Variants in MOB4 observed in about 807,000 individuals in gnomAD.
The protein encoded by MOB4 is MOB-like protein phocein.
Under a neutral mutation model 32.2 loss-of-function variants are expected in MOB4, and 4 were observed. The observed-to-expected ratio is 0.12, with a 90% CI of 0.06 to 0.28. The LOEUF (loss-of-function observed/expected upper bound fraction) is 0.28, where lower values mean the gene tolerates loss of function less well. Ranked by LOEUF, MOB4 falls within the 10% of genes least tolerant of loss-of-function variation. The probability of loss-of-function intolerance (pLI) is 1.00; values close to 1 mark genes in which losing one functional copy is unlikely to be tolerated. For missense variants in MOB4, 158 were observed against 271.2 expected, an observed-to-expected ratio of 0.58 and a Z score of 2.93; for synonymous variants, 88 against 88.1, an observed-to-expected ratio of 1.00 and a Z score of 0.01.
rs539588801 is a variant in MOB4 at position 197,533,435 on chromosome 2, GTGTT to G, written c.124-2092_124-2089del. Among the ~76,000 whole-genome samples the G allele has an allele frequency of 1.7e-3, 254 of 152,134 alleles. 4 individuals carry two copies. The highest frequency in any genetic ancestry group is 0.014 in the Admixed American group (216 of 15,274). On this transcript the variant is annotated intron_variant, in intron 2 of 7. Transcript: ENST00000323303. ...ATAGTAATTAAAGAGTCATTAAAAAGTGTTTGAGGCTGGGTACGGTGGCTCATGC... is the reference window on the plus strand; with the variant it reads ...ATAGTAATTAAAGAGTCATTAAAAAGTGAGGCTGGGTACGGTGGCTCATGC...
At chr2:197,521,329 A>G (rs530093397) in intron 1 of MOB4, among the ~76,000 whole-genome samples, 1 of 152,344 alleles carries the variant, frequency 6.6e-6, no homozygotes, top group Admixed American at 6.5e-5. Flanking sequence ...GTGTACAAAT[A>G]GGGTGTGGGT....
At chr2:197,535,704 G>T in intron 3 of MOB4, 74 bp downstream of exon 3, 2 of 1,515,672 alleles carry the variant, frequency 1.3e-6, no homozygotes, top group South Asian at 1.3e-5. Context: ...ATTATGAATT[G>T]TAAAATTTAC....
intron 2 of MOB4, among the ~76,000 whole-genome samples, chr2:197,528,536 T>C: frequency 6.6e-6 from 1 of 152,150 alleles, no homozygotes; most frequent in South Asian, 2.1e-4. Flanking sequence ...GAATGGTCTA[T>C]TATATTTATA....
chr2:197,544,580 C>A (rs1303037626), intron 5 of MOB4, among the ~76,000 whole-genome samples: 2 of 152,020 alleles, frequency 1.3e-5, no homozygotes, highest in Non-Finnish European at 2.9e-5. Flanking sequence ...GGTGAAACCC[C>A]ATCTCTGCTA....
chr2:197,544,032 G>T (rs184233349), intron 5 of MOB4, among the ~76,000 whole-genome samples: 9 of 150,866 alleles, frequency 6.0e-5, no homozygotes, highest in Admixed American at 5.3e-4. Context: ...GAGCCACTGC[G>T]CCCAGCCGAG....
At chr2:197,529,358 A>G (rs57205134) in intron 2 of MOB4, among the ~76,000 whole-genome samples, 1 of 148,448 alleles carries the variant, frequency 6.7e-6, no homozygotes. Flanking sequence ...TTATTTATTT[A>G]TTTATTTTTT....
chr2:197,524,538 A>C (rs1314312000), intron 2 of MOB4, among the ~76,000 whole-genome samples: 2 of 151,852 alleles, frequency 1.3e-5, no homozygotes, highest in African/African-American at 2.4e-5. Flanking sequence ...CTCAAAAAAA[A>C]AAAAAAAAAC....
At chr2:197,538,312 G>T (rs371390809) in intron 3 of MOB4, among the ~76,000 whole-genome samples, 1 of 150,804 alleles carries the variant, frequency 6.6e-6, no homozygotes, top group Admixed American at 6.6e-5. Context: ...TTTTGGTCTG[G>T]GTTGTATATT....
intron 2 of MOB4, among the ~76,000 whole-genome samples, 166 bp from the exon 3 acceptor site, chr2:197,535,364 C>T (rs2086780221): frequency 6.6e-6 from 1 of 152,046 alleles, no homozygotes; most frequent in African/African-American, 2.4e-5. Context: ...GGGTAACCTA[C>T]TTTTTTTCTT....
rs1407062739 is a variant in MOB4 at position 197,551,267 on chromosome 2, C to G, written c.*621C>G. The G allele has an allele frequency of 6.6e-6, 1 of 152,554 alleles. No homozygotes were observed. Among genetic ancestry groups the G allele is most frequent in the Non-Finnish European group, 1.5e-5 (1 of 68,020 alleles). The allele number at this position is 152,554 out of a possible 1,614,324, so 9.5% of individuals were successfully genotyped here. ...ACATACTTGGAAAGGATTTACCGTT[C>G]TGCAACAACGGACTGGTACATACAG... On this transcript the variant is annotated 3_prime_UTR_variant, in exon 8 of 8. Coordinates refer to ENST00000323303, the MANE Select transcript of MOB4 (RefSeq NM_015387.5).
chr2:197,538,779 G>A (rs546594558), intron 3 of MOB4, among the ~76,000 whole-genome samples: 1 of 152,326 alleles, frequency 6.6e-6, no homozygotes, highest in South Asian at 2.1e-4. Context: ...ACCACAACCA[G>A]TCTTTATTAC....
chr2:197,546,340 C>T (rs1206069482), intron 5 of MOB4, among the ~76,000 whole-genome samples: 2 of 152,128 alleles, frequency 1.3e-5, no homozygotes, highest in African/African-American at 4.8e-5. Flanking sequence ...GAATTATAGG[C>T]GTGAGCCACT....
chr2:197,541,646 G>A lies in MOB4; in HGVS notation c.354+1209G>A, dbSNP rs529745120. 6.0e-4 allele frequency among the ~76,000 whole-genome samples: 91 copies of A among 152,326 alleles called. 1 individual carries two copies. Among genetic ancestry groups the A allele is most frequent in the African/African-American group, 1.9e-3 (77 of 41,582 alleles). ...TTAAGATTGTATCTGTCGGCCGGGCGCGGTGGCTCACGCCTGTAATCCCAG... is the reference window on the plus strand; with the variant it reads ...TTAAGATTGTATCTGTCGGCCGGGCACGGTGGCTCACGCCTGTAATCCCAG... On this transcript the variant is annotated intron_variant, in intron 5 of 7. Transcript: ENST00000323303.
chr2:197,517,166 T>C (rs575147267), intron 1 of MOB4, among the ~76,000 whole-genome samples: 1 of 152,348 alleles, frequency 6.6e-6, no homozygotes, highest in East Asian at 1.9e-4. Context: ...CCCAGATTCA[T>C]GTTACAGATA....
At chr2:197,533,552 C>T (rs1478411813) in intron 2 of MOB4, among the ~76,000 whole-genome samples, 2 of 151,974 alleles carry the variant, frequency 1.3e-5, no homozygotes, top group Non-Finnish European at 2.9e-5. Context: ...TGGCGAAACC[C>T]TGTCTCTACA....
chr2:197,515,794 T>C (rs1292559316), upstream of MOB4: 4 of 487,114 alleles, frequency 8.2e-6, no homozygotes, highest in African/African-American at 2.1e-5. Context: ...CAGCGGTCGC[T>C]GCGATCACGA....
chr2:197,534,292 G>T (rs1237062392), intron 2 of MOB4, among the ~76,000 whole-genome samples: 2 of 152,144 alleles, frequency 1.3e-5, no homozygotes, highest in Non-Finnish European at 2.9e-5. Context: ...AACGTATTTA[G>T]ACTTCAGAAT....
chr2:197,522,754 C>T (rs918935045), intron 1 of MOB4, among the ~76,000 whole-genome samples: 29 of 151,986 alleles, frequency 1.9e-4, no homozygotes, highest in African/African-American at 4.8e-4. Context: ...TGGTGGCTCA[C>T]GCCTGTAATC....
chr2:197,517,233 G>A (rs150274796), intron 1 of MOB4, among the ~76,000 whole-genome samples: 2 of 152,320 alleles, frequency 1.3e-5, no homozygotes, highest in African/African-American at 4.8e-5. Flanking sequence ...ATAGTCTCCT[G>A]ATTCTTAATT....
Sources: allele counts gnomAD v4.1 joint callset (sites outside exome capture counted in the v4.1 genomes callset), GRCh38; gene constraint gnomAD v4.1.1; transcripts MANE v1.5; gene names NCBI Gene and HGNC (gene_info 2026-07-23, HGNC 2026-07-21).